Variants in CFAP100 observed in about 807,000 individuals in gnomAD.
CFAP100 encodes the protein cilia- and flagella-associated protein 100.
Under a neutral mutation model 81.5 loss-of-function variants are expected in CFAP100, and 70 were observed. The ratio of observed to expected loss-of-function variants is 0.86; its 90% CI spans 0.71 to 1.05. The LOEUF is 1.05. CFAP100 is among the 50% of genes least tolerant of loss of function. The pLI is 0.00. For synonymous variants in CFAP100, 341 were observed against 314.8 expected (o/e 1.08, Z -0.88); for missense variants, 811 against 776.5 (o/e 1.04, Z -0.53).
At chr3:126,436,253 C>A in intron 16 of CFAP100, 38 bp from the exon 17 acceptor site, 2 of 1,550,004 alleles carry the variant, frequency 1.3e-6, no homozygotes, top group African/African-American at 1.4e-5. Flanking sequence ...ATACGGCTCA[C>A]TAGGCAGCAA....
At chr3:126,424,618 G>A (rs951163142) in intron 13 of CFAP100, among the ~76,000 whole-genome samples, 6 of 152,366 alleles carry the variant, frequency 3.9e-5, no homozygotes, top group African/African-American at 1.2e-4. Flanking sequence ...CTGTGCATCC[G>A]TTCTGGGTCA....
Position 126,418,622 on chromosome 3 carries a change from T to A in CFAP100, c.498T>A (p.Asp166Glu), listed in dbSNP as rs773631977. Residue 166 changes from aspartate (D) to glutamate (E), a missense_variant, in exon 7 of 17, where the codon GAT (aspartate) becomes GAA (glutamate). Transcript: ENST00000352312. ...CTGCTGGCCCCCAGTATGCCCTGGA[T>A]GTCAAGCGGAGAGAGATCCAGCGGC... is the stretch of plus-strand genomic sequence containing the variant. ...RQMFLLQYAL[D>E]VKRREIQRLE... is the part of the protein sequence containing the mutation. The A allele has an allele frequency of 6.2e-7, 1 of 1,605,080 alleles. No individual in the cohort carries two copies. Among genetic ancestry groups the A allele is most frequent in the African/African-American group, 1.3e-5 (1 of 74,558 alleles).
chr3:126,431,691 C>A (rs1184071685), intron 13 of CFAP100, among the ~76,000 whole-genome samples: 2 of 152,048 alleles, frequency 1.3e-5, no homozygotes, highest in African/African-American at 4.8e-5. Context: ...TCGTTAAATT[C>A]TTCTATCTAT....
At chr3:126,409,849 A>G (rs964284878) in intron 3 of CFAP100, among the ~76,000 whole-genome samples, 1 of 152,146 alleles carries the variant, frequency 6.6e-6, no homozygotes. Flanking sequence ...TATGACGGAT[A>G]TCTTCTCCCA....
chr3:126,412,978 T>C (rs137862391), intron 3 of CFAP100, among the ~76,000 whole-genome samples: 63 of 152,368 alleles, frequency 4.1e-4, no homozygotes, highest in African/African-American at 1.5e-3. Context: ...GCTTTTGTGA[T>C]GGGGACATGG....
chr3:126,420,164 G>A lies in CFAP100; in HGVS notation c.1017G>A (p.Pro339=), dbSNP rs146000789. 2.7e-5 allele frequency: 44 copies of A among 1,612,646 alleles called. 1 individual carries two copies. Among genetic ancestry groups the A allele is most frequent in the Admixed American group, 6.7e-5 (4 of 60,006 alleles). ...AGACGATGCGGCTGGGGCGGAGCCC[G>A]TCTTACCTGAGCAGCCCCCAGCAAG... is the stretch of plus-strand genomic sequence containing the variant. ...FLQTMRLGRS[P]SYLSSPQQGS... The change falls in exon 11 of 17, where the codon CCG becomes CCA. Residue 339 remains proline, a synonymous_variant. Coordinates refer to ENST00000352312, the MANE Select transcript of CFAP100 (RefSeq NM_182628.3).
chr3:126,401,360 A>G (rs10212374), intron 2 of CFAP100, among the ~76,000 whole-genome samples: 7,038 of 143,576 alleles, frequency 0.049, 289 homozygotes, highest in African/African-American at 0.097. Context: ...TTACCATACT[A>G]AAAAAGTTTC....
At chr3:126,401,398 TA>T (rs202216270) in intron 2 of CFAP100, among the ~76,000 whole-genome samples, 4,886 of 15,632 alleles carry the variant, frequency 0.31, 269 homozygotes, top group East Asian at 0.41. Flanking sequence ...AATCGTATTT[TA>T]TATATATATA....
chr3:126,415,897 G>A (rs1207135053), intron 4 of CFAP100, among the ~76,000 whole-genome samples: 10 of 152,172 alleles, frequency 6.6e-5, no homozygotes, highest in East Asian at 1.9e-4. Flanking sequence ...GGCCACCAAC[G>A]GTGACCTTCC....
At chr3:126,404,000 G>A (rs2083025662) in intron 2 of CFAP100, among the ~76,000 whole-genome samples, 1 of 152,188 alleles carries the variant, frequency 6.6e-6, no homozygotes, top group South Asian at 2.1e-4. Context: ...TGACAAATAA[G>A]CCAGTGTCCA....
chr3:126,406,743 T>C (rs1165396191), intron 2 of CFAP100, among the ~76,000 whole-genome samples: 2 of 152,056 alleles, frequency 1.3e-5, no homozygotes, highest in African/African-American at 4.8e-5. Flanking sequence ...GGCAGCTCCC[T>C]GAGGAGGTGG....
At chr3:126,428,392 T>G (rs1162612459) in intron 13 of CFAP100, among the ~76,000 whole-genome samples, 1 of 152,190 alleles carries the variant, frequency 6.6e-6, no homozygotes, top group Non-Finnish European at 1.5e-5. Flanking sequence ...GCACACAGCA[T>G]TTGCAGGGCA....
At chr3:126,419,046 A>ACCC in intron 7 of CFAP100, 30 bp from the exon 8 acceptor site, 1 of 184,494 alleles carries the variant, frequency 5.4e-6, no homozygotes, top group Non-Finnish European at 9.6e-6. Flanking sequence ...CCTTGCCCCC[A>ACCC]TCCCTCCTCC....
At chr3:126,414,232 G>C in intron 4 of CFAP100, 53 bp downstream of exon 4, 1 of 1,301,822 alleles carries the variant, frequency 7.7e-7, no homozygotes. Flanking sequence ...TGCTCCCACT[G>C]CTTCCTGGAG....
intron 13 of CFAP100, among the ~76,000 whole-genome samples, chr3:126,428,039 G>T (rs1375724543): frequency 6.6e-6 from 1 of 152,132 alleles, no homozygotes; most frequent in Non-Finnish European, 1.5e-5. Flanking sequence ...CTGCCCCCAT[G>T]ATCCAATCAC....
intron 11 of CFAP100, among the ~76,000 whole-genome samples, chr3:126,421,188 G>C (rs1240094225): frequency 6.6e-6 from 1 of 152,030 alleles, no homozygotes; most frequent in Non-Finnish European, 1.5e-5. Context: ...ATTTTTAGTA[G>C]AGACGGGGTT....
intron 13 of CFAP100, among the ~76,000 whole-genome samples, chr3:126,429,284 A>G (rs1226197050): frequency 6.6e-6 from 1 of 152,022 alleles, no homozygotes; most frequent in Non-Finnish European, 1.5e-5. Context: ...TTCTTGATTC[A>G]GTCTTGGTAG....
intron 13 of CFAP100, among the ~76,000 whole-genome samples, chr3:126,428,952 C>CA (rs767306655): frequency 2.6e-5 from 4 of 151,438 alleles, no homozygotes; most frequent in Admixed American, 6.6e-5. Flanking sequence ...ACTAAAAACA[C>CA]AAAAAAATGA....
intron 2 of CFAP100, among the ~76,000 whole-genome samples, chr3:126,398,415 G>T (rs1240927531): frequency 6.6e-6 from 1 of 152,224 alleles, no homozygotes; most frequent in Non-Finnish European, 1.5e-5. Flanking sequence ...CAGGCTCCAG[G>T]TACAAGACTC....
Sources: gnomAD v4.1 joint callset for allele counts (sites outside exome capture counted in the v4.1 genomes callset) on GRCh38, gnomAD v4.1.1 for gene constraint, MANE v1.5 for transcripts, NCBI Gene and HGNC (gene_info 2026-07-23, HGNC 2026-07-21) for gene names.